DTD1: variants seen among roughly 807,000 people sequenced by gnomAD.
The protein encoded by DTD1 is D-tyrosyl-tRNA deacylase 1 homolog.
Under a neutral mutation model 25.6 loss-of-function variants are expected in DTD1, and 13 were observed. That is an observed-to-expected ratio of 0.51 (90% confidence interval 0.33 to 0.81). The LOEUF (loss-of-function observed/expected upper bound fraction) is 0.81. Among genes scored for constraint, DTD1 ranks in the 30% least tolerant of loss-of-function variants. The probability of loss-of-function intolerance (pLI) is 0.02; values close to 1 mark genes in which losing one functional copy is unlikely to be tolerated. For missense variants in DTD1, 193 were observed against 266.4 expected (o/e 0.72, Z 1.92); for synonymous variants, 110 against 103.6 (o/e 1.06, Z -0.37).
chr20:18,729,076 T>C (rs2061231805), intron 4 of DTD1, among the ~76,000 whole-genome samples: 1 of 152,182 alleles, frequency 6.6e-6, no homozygotes, highest in Admixed American at 6.5e-5. Context: ...CAGTCACGGC[T>C]CACTGCAGCC....
chr20:18,725,500 C>A (rs1361002153), intron 4 of DTD1, among the ~76,000 whole-genome samples: 3 of 148,548 alleles, frequency 2.0e-5, no homozygotes, highest in African/African-American at 7.3e-5. Flanking sequence ...GTCCTGATGT[C>A]ACTGGTTTAA....
At chr20:18,649,585 C>T (rs948339131) in intron 4 of DTD1, among the ~76,000 whole-genome samples, 1 of 152,014 alleles carries the variant, frequency 6.6e-6, no homozygotes, top group Non-Finnish European at 1.5e-5. Context: ...GATCCGCCCG[C>T]CTTGGCCTCC....
chr20:18,679,217 C>T (rs141344535), intron 4 of DTD1, among the ~76,000 whole-genome samples: 12 of 152,262 alleles, frequency 7.9e-5, no homozygotes, highest in East Asian at 3.9e-4. Flanking sequence ...GCCTGACAAC[C>T]GTTGCTATGG....
intron 4 of DTD1, among the ~76,000 whole-genome samples, chr20:18,662,883 C>T (rs2060916913): frequency 6.6e-6 from 1 of 152,088 alleles, no homozygotes; most frequent in Non-Finnish European, 1.5e-5. Context: ...GGTGAAATTA[C>T]TGATAAATTA....
At chr20:18,613,202 A>G (rs1022555173) in intron 3 of DTD1, among the ~76,000 whole-genome samples, 2 of 152,314 alleles carry the variant, frequency 1.3e-5, no homozygotes, top group Admixed American at 6.5e-5. Flanking sequence ...TTATCCATCA[A>G]TAAGACACTT....
At chr20:18,623,414 C>G (rs1056702136) in intron 3 of DTD1, among the ~76,000 whole-genome samples, 6 of 152,076 alleles carry the variant, frequency 3.9e-5, no homozygotes, top group African/African-American at 1.4e-4. Flanking sequence ...ATCTTCTTCA[C>G]TTTAATGAGT....
chr20:18,689,787 C>T (rs573391092), intron 4 of DTD1, among the ~76,000 whole-genome samples: 1 of 152,090 alleles, frequency 6.6e-6, no homozygotes, highest in Non-Finnish European at 1.5e-5. Flanking sequence ...AATGAGCACT[C>T]TAAATGCAGT....
At chr20:18,608,700 G>C (rs1256736184) in intron 3 of DTD1, among the ~76,000 whole-genome samples, 1 of 152,130 alleles carries the variant, frequency 6.6e-6, no homozygotes, top group Non-Finnish European at 1.5e-5. Flanking sequence ...GTGCCCAATG[G>C]CCGTGTATAG....
intron 4 of DTD1, among the ~76,000 whole-genome samples, chr20:18,708,230 TTTTATATATATATA>T (rs2061136975): frequency 7.2e-4 from 3 of 4,186 alleles, no homozygotes; most frequent in East Asian, 0.014. Flanking sequence ...TATATATATA[TTTTATATATATATA>T]ATATATATTA....
At chr20:18,732,206 A>G (rs1296419130) in intron 4 of DTD1, among the ~76,000 whole-genome samples, 2 of 152,242 alleles carry the variant, frequency 1.3e-5, no homozygotes, top group Non-Finnish European at 2.9e-5. Flanking sequence ...TTAAGACTCT[A>G]GTAAATTGAA....
intron 4 of DTD1, among the ~76,000 whole-genome samples, chr20:18,689,174 G>C (rs1266624588): frequency 3.3e-5 from 5 of 152,110 alleles, no homozygotes; most frequent in African/African-American, 1.2e-4. Context: ...CTTGTATTTG[G>C]GAAGTGGACT....
intron 4 of DTD1, among the ~76,000 whole-genome samples, chr20:18,734,460 C>T (rs1196498432): frequency 2.0e-5 from 3 of 152,224 alleles, no homozygotes; most frequent in Non-Finnish European, 4.4e-5. Context: ...GAAGATGTCT[C>T]ATCTTGCTAC....
At chr20:18,652,357 T>C (rs772511002) in intron 4 of DTD1, among the ~76,000 whole-genome samples, 4 of 152,258 alleles carry the variant, frequency 2.6e-5, no homozygotes, top group African/African-American at 4.8e-5. Flanking sequence ...GTTTACAATC[T>C]TTAATAAGGT....
intron 3 of DTD1, 137 bp from the exon 4 acceptor site, chr20:18,627,990 A>G (rs1031174245): frequency 1.4e-6 from 1 of 704,606 alleles, no homozygotes; most frequent in East Asian, 2.9e-5. Flanking sequence ...TGAGTCCGTT[A>G]AACCTCTTTC....
intron 4 of DTD1, among the ~76,000 whole-genome samples, chr20:18,633,022 A>T (rs2060794670): frequency 6.6e-6 from 1 of 152,172 alleles, no homozygotes; most frequent in Non-Finnish European, 1.5e-5. Flanking sequence ...GGCAACATAA[A>T]CCTGAAAGGT....
At chr20:18,728,594 G>A (rs2061230404) in intron 4 of DTD1, among the ~76,000 whole-genome samples, 1 of 152,140 alleles carries the variant, frequency 6.6e-6, no homozygotes, top group Non-Finnish European at 1.5e-5. Flanking sequence ...TCCTATTTCG[G>A]TGTCTGGATG....
chr20:18,625,799 T>C (rs1470912193), intron 3 of DTD1, among the ~76,000 whole-genome samples: 2 of 152,194 alleles, frequency 1.3e-5, no homozygotes, highest in South Asian at 2.1e-4. Flanking sequence ...AGGAAGCCTG[T>C]GGGGTGAGAA....
At chr20:18,599,598 C>G (rs61405464) in intron 3 of DTD1, among the ~76,000 whole-genome samples, 1,714 of 152,320 alleles carry the variant, frequency 0.011, 28 homozygotes, top group African/African-American at 0.032. Flanking sequence ...AGCTGCCAAA[C>G]TGTCTTGCAA....
At chr20:18,747,505 A>T (rs185908336) in intron 5 of DTD1, among the ~76,000 whole-genome samples, 82 of 152,248 alleles carry the variant, frequency 5.4e-4, no homozygotes, top group Non-Finnish European at 3.2e-4. Flanking sequence ...CCTTGAATGA[A>T]AGGTGCAGGG....
Sources: gnomAD v4.1 joint callset for allele counts (sites outside exome capture counted in the v4.1 genomes callset) on GRCh38, gnomAD v4.1.1 for gene constraint, MANE v1.5 for transcripts, NCBI Gene and HGNC (gene_info 2026-07-23, HGNC 2026-07-21) for gene names.